The following HEATR4 variants were observed in gnomAD, a reference collection of about 807,000 sequenced individuals.
The protein encoded by HEATR4 is HEAT repeat containing 4, also known as HEAT repeat-containing protein 4.
In HEATR4, 95 loss-of-function variants were observed where a neutral mutation model predicts 108.8. That is an observed-to-expected ratio of 0.87 (90% CI 0.74 to 1.04). HEATR4 has a LOEUF of 1.04. HEATR4 is among the 50% of genes least tolerant of loss of function. HEATR4 has a pLI of 0.00. For synonymous variants in HEATR4, 443 were observed against 459.4 expected (o/e 0.96, Z 0.46); for missense variants, 1,152 against 1,253.8 (o/e 0.92, Z 1.23).
At chr14:73,590,897 G>A in the HEATR4 span, among the ~76,000 whole-genome samples, 3 of 152,180 alleles carry the variant, frequency 2.0e-5, no homozygotes, top group Non-Finnish European at 4.4e-5. Flanking sequence ...GCAGCGGCGG[G>A]CTGAAGGGCT....
In HEATR4 at chr14:73,524,302, AAAAAAAAAATATATAT is replaced by A. The variant is rs1233674583; in HGVS notation, c.-72-1094_-72-1079del. Among the ~76,000 whole-genome samples, 3 of 95,708 alleles carry A rather than the reference AAAAAAAAAATATATAT, an allele frequency of 3.1e-5. No individual in the cohort carries two copies. The East Asian group carries it at 7.1e-4, about 23-fold the overall frequency. 62.8% of individuals were successfully genotyped at this position (95,708 alleles called of 152,430 possible). A position where few individuals can be genotyped will look rare whatever the true frequency, so the allele number is the denominator to read the frequency against. ...GAGCAAAACTCCGTCTCAAAAAAAA[AAAAAAAAAATATATAT>A]ATATATATATATATATATTATAGCT... On this transcript the variant is annotated intron_variant, in intron 2 of 17. Coordinates refer to ENST00000553558, the MANE Select transcript of HEATR4 (RefSeq NM_001220484.1).
the HEATR4 span, among the ~76,000 whole-genome samples, chr14:73,585,191 G>A: frequency 1.3e-5 from 2 of 151,986 alleles, no homozygotes; most frequent in South Asian, 2.1e-4. Context: ...CCTGTCTCAC[G>A]ACCTGGCCAC....
At chr14:73,607,006 C>T in the HEATR4 span, among the ~76,000 whole-genome samples, 731 of 152,250 alleles carry the variant, frequency 4.8e-3, 8 homozygotes, top group African/African-American at 0.016. Flanking sequence ...ACGTCAAGCT[C>T]TCAAGGTCAT....
At chr14:73,625,414 T>C in the HEATR4 span, among the ~76,000 whole-genome samples, 3 of 151,852 alleles carry the variant, frequency 2.0e-5, no homozygotes, top group African/African-American at 4.8e-5. Context: ...CAGGCTGGAG[T>C]GCAGTGGCAC....
chr14:73,579,959 A>AGG, the HEATR4 span, among the ~76,000 whole-genome samples: 1 of 151,760 alleles, frequency 6.6e-6, no homozygotes, highest in African/African-American at 2.4e-5. Context: ...CCAGGCCCAC[A>AGG]TGGTGGTGTG....
intron 10 of HEATR4, among the ~76,000 whole-genome samples, 171 bp downstream of exon 10, chr14:73,506,296 C>G (rs567315952): frequency 7.9e-5 from 12 of 152,244 alleles, no homozygotes; most frequent in African/African-American, 2.6e-4. Context: ...GGCTTCCAGA[C>G]AGACATATTA....
At chr14:73,569,653 A>G in the HEATR4 span, 16 of 1,605,540 alleles carry the variant, frequency 1.0e-5, no homozygotes, top group Admixed American at 2.7e-4. Flanking sequence ...GCGGGGCTTG[A>G]GCCCATGGGG....
Position 73,495,339 on chromosome 14 carries a change from G to C in HEATR4, c.2674C>G (p.Leu892Val), listed in dbSNP as rs1886053481. 1.9e-6 allele frequency: 3 copies of C among 1,613,766 alleles called. No individual in the cohort carries two copies. The highest frequency in any genetic ancestry group is 2.7e-5 in the African/African-American group (2 of 74,896). The change falls in exon 16 of 18, where the codon CTG becomes GTG. Residue 892 changes from leucine to valine, a missense_variant. Transcript: ENST00000553558. The part of the protein sequence containing the change: ...KDLLTHKILK[L>V]EMVMGKVREE... ...CTCACTTTTCCCATGACCATCTCCA[G>C]CTTGAGTATTTTGTGTGTCAGCAAG...
At chr14:73,617,338 G>A in the HEATR4 span, 3 of 1,152,530 alleles carry the variant, frequency 2.6e-6, no homozygotes, top group South Asian at 4.0e-5. Context: ...GTGGAAGCTG[G>A]GCATGGTGAT....
the HEATR4 span, among the ~76,000 whole-genome samples, chr14:73,613,623 T>G: frequency 6.6e-6 from 1 of 152,198 alleles, no homozygotes; most frequent in Admixed American, 6.6e-5. Flanking sequence ...GGGGGAAATT[T>G]GGCAATATCT....
At chr14:73,603,358 T>C in the HEATR4 span, among the ~76,000 whole-genome samples, 2 of 151,714 alleles carry the variant, frequency 1.3e-5, no homozygotes, top group Non-Finnish European at 1.5e-5. Flanking sequence ...TTTTGTTTTT[T>C]GTTTTTGTTT....
upstream of HEATR4, among the ~76,000 whole-genome samples, chr14:73,560,548 A>C (rs1378217220): frequency 6.6e-6 from 1 of 151,674 alleles, no homozygotes; most frequent in African/African-American, 2.4e-5. Flanking sequence ...CTGTAGTCCC[A>C]GCTACTTGGA....
chr14:73,522,849 T>C lies in HEATR4; in HGVS notation c.304A>G (p.Ile102Val). Residue 102 changes from isoleucine (I) to valine (V), a missense_variant, in exon 3 of 18, where the codon ATC becomes GTC. Transcript: ENST00000553558. ...SFDHLYNTND[I>V]IHTPQIRKAR... ...TTCCTGATCTGGGGAGTATGGATGATGTCATTGGTATTGTAGAGGTGGTCA... is the reference window on the plus strand; with the variant it reads ...TTCCTGATCTGGGGAGTATGGATGACGTCATTGGTATTGTAGAGGTGGTCA... 6.2e-7 allele frequency: 1 copy of C among 1,614,100 alleles called. No homozygotes were observed. The highest frequency in any genetic ancestry group is 8.5e-7 in the Non-Finnish European group (1 of 1,180,018).
chr14:73,590,323 G>C, the HEATR4 span, among the ~76,000 whole-genome samples: 3 of 152,206 alleles, frequency 2.0e-5, no homozygotes, highest in Non-Finnish European at 4.4e-5. Context: ...CCCTGAGCTA[G>C]ACACAGGGTG....
chr14:73,561,191 C>T (rs1415458150), upstream of HEATR4, among the ~76,000 whole-genome samples: 2 of 151,594 alleles, frequency 1.3e-5, no homozygotes, highest in African/African-American at 4.8e-5. Context: ...CATGGTGAAA[C>T]TCCATCTCTA....
At chr14:73,629,648 A>AT in the HEATR4 span, among the ~76,000 whole-genome samples, 24,486 of 145,278 alleles carry the variant, frequency 0.17, 2,389 homozygotes, top group Non-Finnish European at 0.22. Context: ...GAAAGTTTAG[A>AT]TTTTTTTTTT....
chr14:73,510,434 T>C (rs1887177728), intron 7 of HEATR4, among the ~76,000 whole-genome samples: 1 of 140,636 alleles, frequency 7.1e-6, no homozygotes, highest in Non-Finnish European at 1.6e-5. Flanking sequence ...TTTTTTGTTT[T>C]TGTTTTTGTT....
the HEATR4 span, among the ~76,000 whole-genome samples, chr14:73,611,201 A>T: frequency 6.6e-6 from 1 of 152,156 alleles, no homozygotes. Flanking sequence ...GCTGGGCATC[A>T]CTATATGCTC....
At chr14:73,603,741 C>CT in the HEATR4 span, among the ~76,000 whole-genome samples, 59 of 113,216 alleles carry the variant, frequency 5.2e-4, no homozygotes, top group South Asian at 8.5e-4. Context: ...CTTTTCTTTT[C>CT]TTTTTTTTTT....
Sources: allele counts gnomAD v4.1 joint callset (sites outside exome capture counted in the v4.1 genomes callset), GRCh38; gene constraint gnomAD v4.1.1; transcripts MANE v1.5; gene names NCBI Gene and HGNC (gene_info 2026-07-23, HGNC 2026-07-21).